Variants in FGF12 observed in about 807,000 individuals in gnomAD.
The protein encoded by FGF12 is fibroblast growth factor 12.
FGF12 carries 14 observed loss-of-function variants against 23.6 expected under a neutral mutation model. The observed-to-expected ratio is 0.59, with a 90% CI of 0.39 to 0.93. The LOEUF (loss-of-function observed/expected upper bound fraction) is 0.93, where lower values mean the gene tolerates loss of function less well. Among genes scored for constraint, FGF12 ranks in the 40% least tolerant of loss-of-function variants. The pLI is 0.00. For synonymous variants in FGF12, 62 were observed against 77.3 expected, an observed-to-expected ratio of 0.80 and a Z score of 1.04; for missense variants, 175 against 217.8, an observed-to-expected ratio of 0.80 and a Z score of 1.24.
chr3:192,446,214 T>C (rs1176389313), intron 2 of FGF12, among the ~76,000 whole-genome samples: 1 of 152,242 alleles, frequency 6.6e-6, no homozygotes, highest in African/African-American at 2.4e-5. Context: ...TAAAAAGCTA[T>C]AGTTTTACCC....
chr3:192,308,645 A>C (rs949591052), intron 4 of FGF12, among the ~76,000 whole-genome samples: 49 of 151,766 alleles, frequency 3.2e-4, no homozygotes, highest in African/African-American at 1.0e-3. Flanking sequence ...GCACCATTGC[A>C]CTCCAGCCTG....
At chr3:192,371,846 C>T (rs1719246676) in intron 2 of FGF12, among the ~76,000 whole-genome samples, 1 of 152,082 alleles carries the variant, frequency 6.6e-6, no homozygotes, top group Admixed American at 6.5e-5. Flanking sequence ...AAGGTTTTTG[C>T]TTTACACCTC....
chr3:192,517,135 C>T (rs1234077910), intron 2 of FGF12: 1 of 152,198 alleles, frequency 6.6e-6, no homozygotes, highest in Admixed American at 6.5e-5. Context: ...GGCACTTGAG[C>T]AGAGTGAACA....
At chr3:192,330,640 T>C (rs1034149238) in intron 4 of FGF12, among the ~76,000 whole-genome samples, 2 of 151,958 alleles carry the variant, frequency 1.3e-5, no homozygotes, top group Non-Finnish European at 2.9e-5. Context: ...GAGGTGGAGA[T>C]TGCAGTGAGC....
At chr3:192,640,125 C>T (rs936742395) in intron 2 of FGF12, among the ~76,000 whole-genome samples, 11 of 152,032 alleles carry the variant, frequency 7.2e-5, no homozygotes, top group African/African-American at 2.4e-4. Context: ...GGTAGCAGAT[C>T]TGGAGGATGT....
chr3:192,373,339 T>C (rs144386742), intron 2 of FGF12, among the ~76,000 whole-genome samples: 2 of 151,904 alleles, frequency 1.3e-5, no homozygotes, highest in African/African-American at 2.4e-5. Flanking sequence ...TCAGGTTTCA[T>C]CTATAAAACG....
intron 2 of FGF12, among the ~76,000 whole-genome samples, chr3:192,445,544 C>G (rs1295667927): frequency 6.6e-6 from 1 of 152,102 alleles, no homozygotes; most frequent in Non-Finnish European, 1.5e-5. Context: ...GTCCTTCACC[C>G]CAAGAACATC....
intron 2 of FGF12, among the ~76,000 whole-genome samples, chr3:192,582,701 AT>A (rs1277372449): frequency 6.8e-6 from 1 of 147,046 alleles, no homozygotes; most frequent in Non-Finnish European, 1.5e-5. Context: ...AAAAAAAAAA[AT>A]CCTTATCTTA....
chr3:192,555,202 T>C (rs1002218301), intron 2 of FGF12, among the ~76,000 whole-genome samples: 2 of 152,166 alleles, frequency 1.3e-5, no homozygotes, highest in African/African-American at 2.4e-5. Context: ...CTTCAACTCG[T>C]ATAAAACTAG....
chr3:192,594,938 A>AAG (rs772779310), intron 2 of FGF12, among the ~76,000 whole-genome samples: 2 of 148,402 alleles, frequency 1.3e-5, no homozygotes, highest in Non-Finnish European at 3.0e-5. Flanking sequence ...GTGATGCAAT[A>AAG]TTGTTACATT....
chr3:192,481,297 G>A (rs192206110), intron 2 of FGF12, among the ~76,000 whole-genome samples: 3 of 151,836 alleles, frequency 2.0e-5, no homozygotes, highest in African/African-American at 7.3e-5. Context: ...AAATAGCTTG[G>A]ATGGTTTAAA....
intron 2 of FGF12, among the ~76,000 whole-genome samples, chr3:192,681,966 C>T (rs1160709118): frequency 6.6e-5 from 10 of 152,072 alleles, no homozygotes; most frequent in Admixed American, 2.6e-4. Flanking sequence ...ATTGGGAAGC[C>T]ATTCTTCTCT....
chr3:192,260,272 A>C (rs571565610), intron 4 of FGF12, among the ~76,000 whole-genome samples: 1 of 152,192 alleles, frequency 6.6e-6, no homozygotes, highest in African/African-American at 2.4e-5. Flanking sequence ...ATATTTAGCT[A>C]TTTACAGTGT....
chr3:192,674,465 A>G (rs1717249318), intron 2 of FGF12, among the ~76,000 whole-genome samples: 1 of 152,198 alleles, frequency 6.6e-6, no homozygotes, highest in Non-Finnish European at 1.5e-5. Context: ...AGGCCTAGAG[A>G]CCTGCATAAG....
intron 2 of FGF12, among the ~76,000 whole-genome samples, chr3:192,670,968 C>T (rs1171177845): frequency 6.6e-6 from 1 of 152,192 alleles, no homozygotes; most frequent in African/African-American, 2.4e-5. Context: ...AAATCCATGA[C>T]ATCTGGCTCA....
chr3:192,378,039 T>TTTCTC (rs1719618599), intron 2 of FGF12, among the ~76,000 whole-genome samples: 1 of 72,242 alleles, frequency 1.4e-5, no homozygotes, highest in Admixed American at 1.3e-4. Flanking sequence ...TCTTTCTTTC[T>TTTCTC]TTCTTTCTTT....
rs1395298637 is a variant in FGF12, at chr3:192,170,448, G to A, written c.427+10C>T. The A allele has an allele frequency of 1.2e-6, 2 of 1,611,530 alleles. No individual in the cohort carries two copies. The highest frequency in any genetic ancestry group is 2.7e-5 in the African/African-American group (2 of 74,834). The stretch of plus-strand genomic sequence containing the variant: ...AAGGGTCCAACAAAGACAGTCAGTT[G>A]GTTTCATACCTTCAATAGGTTTCGG... On this transcript the variant is annotated intron_variant, in intron 5 of 5. Transcript: ENST00000445105.
At chr3:192,538,000 G>A (rs1725270637) in intron 2 of FGF12, among the ~76,000 whole-genome samples, 1 of 137,090 alleles carries the variant, frequency 7.3e-6, no homozygotes, top group African/African-American at 2.6e-5. Flanking sequence ...AGGCTGGAGT[G>A]CAATGGTGCG....
chr3:192,257,145 T>C (rs1312607255), intron 4 of FGF12, among the ~76,000 whole-genome samples: 4 of 152,200 alleles, frequency 2.6e-5, no homozygotes, highest in South Asian at 2.1e-4. Flanking sequence ...CCATTATTGC[T>C]ACATGCCTTT....
Sources: allele counts gnomAD v4.1 joint callset (sites outside exome capture counted in the v4.1 genomes callset), GRCh38; gene constraint gnomAD v4.1.1; transcripts MANE v1.5; gene names NCBI Gene and HGNC (gene_info 2026-07-23, HGNC 2026-07-21).